Variants in ZBED6 observed in about 807,000 individuals in gnomAD.
The protein encoded by ZBED6 is zinc finger BED domain-containing protein 6.
In ZBED6, 40 loss-of-function variants were observed where a neutral mutation model predicts 58.4. That is an observed-to-expected ratio of 0.68 (90% confidence interval 0.53 to 0.89). ZBED6 has a LOEUF of 0.89. ZBED6 is among the 40% of genes least tolerant of loss of function. The pLI is 0.00. For missense variants in ZBED6, 1,057 were observed against 1,003.9 expected (o/e 1.05, Z -0.71); for synonymous variants, 439 against 350.6 (o/e 1.25, Z -2.82).
intron 8 of ZBED6, among the ~76,000 whole-genome samples, chr1:203,832,318 C>T (rs923668409): frequency 3.8e-4 from 57 of 151,998 alleles, no homozygotes; most frequent in African/African-American, 1.3e-3. Context: ...GCCTTGGCCT[C>T]CCGAAGTGCT....
At chr1:203,847,638 C>T (rs1187366397) in exon 12 of ZBED6, 6 of 1,613,162 alleles carry the variant, frequency 3.7e-6, no homozygotes, top group Non-Finnish European at 5.1e-6. Flanking sequence ...CGTCTCAACA[C>T]GAGGCCACTC....
intron 3 of ZBED6, among the ~76,000 whole-genome samples, chr1:203,819,268 C>A (rs1275575594): frequency 3.4e-5 from 5 of 149,070 alleles, no homozygotes; most frequent in Non-Finnish European, 5.9e-5. Flanking sequence ...GTCGCCCACG[C>A]TGGAGTGCAG....
chr1:203,800,448 G>T lies in ZBED6; in HGVS notation c.2926G>T (p.Glu976Ter), dbSNP rs1269726558. 2.0e-6 allele frequency: 3 copies of T among 1,488,200 alleles called. No homozygotes were observed. The highest frequency in any genetic ancestry group is 2.7e-6 in the Non-Finnish European group (3 of 1,122,598). 92.2% of individuals were successfully genotyped at this position (1,488,200 alleles called of 1,614,324 possible). Residue 976 changes from glutamate to a stop codon, truncating the protein, a stop_gained, in exon 1 of 17, where the codon GAA (glutamate) becomes TAA (stop). Transcript: ENST00000550078. LOFTEE classifies it high-confidence loss of function. ...TGAAGTTGTTCAAAGCAGTGAAAAA[G>T]AAATACTGCCTTAATTTCTTTTTCT... is the stretch of plus-strand genomic sequence containing the variant.
At chr1:203,803,431 T>C (rs1216001021) in intron 1 of ZBED6, among the ~76,000 whole-genome samples, 1 of 152,182 alleles carries the variant, frequency 6.6e-6, no homozygotes. Flanking sequence ...CCTCAGGTGA[T>C]CCACCAGCCT....
intron 1 of ZBED6, among the ~76,000 whole-genome samples, chr1:203,813,370 C>T (rs12025273): frequency 0.06 from 9,071 of 151,978 alleles, 808 homozygotes; most frequent in East Asian, 0.4. Flanking sequence ...CCATGCCTGG[C>T]TAAATTTTAA....
At chr1:203,798,319 C>T (rs1558086735) in exon 1 of ZBED6, 11 of 1,536,118 alleles carry the variant, frequency 7.2e-6, no homozygotes, top group South Asian at 1.2e-5. Flanking sequence ...AGAGCCAAGA[C>T]ATCTGCCGTT....
chr1:203,796,227 C>T (rs1668442534), exon 1 of ZBED6: 1 of 392,790 alleles, frequency 2.5e-6, no homozygotes. Flanking sequence ...TGAGCGGACC[C>T]TCACTGCCTA....
chr1:203,805,382 C>T (rs1014485572), intron 1 of ZBED6, among the ~76,000 whole-genome samples: 10 of 152,200 alleles, frequency 6.6e-5, no homozygotes, highest in Non-Finnish European at 1.3e-4. Context: ...CTGCCTGCCT[C>T]AGCCTTTCAA....
chr1:203,852,569 T>G (rs1258486631), exon 17 of ZBED6: 6 of 722,672 alleles, frequency 8.3e-6, no homozygotes, highest in Non-Finnish European at 1.1e-5. Context: ...GGGTCAGATT[T>G]TTAAAGTTAC....
chr1:203,806,190 G>C (rs1672279254), intron 1 of ZBED6: 1 of 463,908 alleles, frequency 2.2e-6, no homozygotes, highest in Admixed American at 2.5e-5. Context: ...CTGCCCTGCT[G>C]TCCACCATGC....
chr1:203,844,339 T>C (rs1239201443), intron 11 of ZBED6, among the ~76,000 whole-genome samples: 1 of 152,040 alleles, frequency 6.6e-6, no homozygotes, highest in Non-Finnish European at 1.5e-5. Flanking sequence ...CTTGTATTTT[T>C]AGTAGAGACG....
chr1:203,849,468 A>G (rs1688753750), intron 13 of ZBED6, among the ~76,000 whole-genome samples: 1 of 152,208 alleles, frequency 6.6e-6, no homozygotes, highest in Admixed American at 6.5e-5. Flanking sequence ...AATCATTAGT[A>G]TTTGACTTAG....
exon 1 of ZBED6, chr1:203,798,230 A>T (rs1358935586): frequency 2.0e-6 from 3 of 1,536,052 alleles, no homozygotes; most frequent in African/African-American, 2.7e-5. Flanking sequence ...ATAAATCAGC[A>T]TCTGATGCCC....
intron 8 of ZBED6, among the ~76,000 whole-genome samples, chr1:203,832,792 C>T (rs1410949304): frequency 1.3e-5 from 2 of 152,176 alleles, no homozygotes; most frequent in African/African-American, 4.8e-5. Flanking sequence ...CTGAGGTGAT[C>T]AGAGATAGTT....
chr1:203,802,926 T>C (rs1670983792), exon 1 of ZBED6: 1 of 152,580 alleles, frequency 6.6e-6, no homozygotes, highest in Non-Finnish European at 1.5e-5. Context: ...TTATTATTAA[T>C]TCATGGATTG....
chr1:203,798,170 A>G (rs1669267050), exon 1 of ZBED6: 3 of 1,536,152 alleles, frequency 2.0e-6, no homozygotes, highest in Admixed American at 3.9e-5. Flanking sequence ...GAAGCTTTGA[A>G]TATATTCCTA....
intron 1 of ZBED6, among the ~76,000 whole-genome samples, chr1:203,803,630 G>T (rs1671198965): frequency 6.6e-6 from 1 of 151,976 alleles, no homozygotes; most frequent in Non-Finnish European, 1.5e-5. Context: ...TTGAAACAGG[G>T]TCTTGTGCTC....
chr1:203,812,792 A>G (rs1199943440), intron 1 of ZBED6, among the ~76,000 whole-genome samples: 1 of 151,678 alleles, frequency 6.6e-6, no homozygotes, highest in African/African-American at 2.4e-5. Context: ...ATGTTTGCCA[A>G]GCTCGTCTTG....
chr1:203,836,478 G>A (rs995254411), intron 9 of ZBED6, among the ~76,000 whole-genome samples: 4 of 152,138 alleles, frequency 2.6e-5, no homozygotes, highest in African/African-American at 7.2e-5. Context: ...GGCTGGGCGC[G>A]GTAGCTTACG....
Sources: allele counts gnomAD v4.1 joint callset (sites outside exome capture counted in the v4.1 genomes callset), GRCh38; gene constraint gnomAD v4.1.1; transcripts MANE v1.5; gene names NCBI Gene and HGNC (gene_info 2026-07-23, HGNC 2026-07-21).